Variants in HSPH1 observed in about 807,000 individuals in gnomAD.
The protein encoded by HSPH1 is heat shock protein family H (Hsp110) member 1, also known as heat shock protein 105 kDa.
Under a neutral mutation model 100.0 loss-of-function variants are expected in HSPH1, and 40 were observed. The observed-to-expected ratio is 0.40, with a 90% CI of 0.31 to 0.52. The LOEUF (loss-of-function observed/expected upper bound fraction) is 0.52, where lower values mean the gene tolerates loss of function less well. HSPH1 is among the 20% of genes least tolerant of loss of function. The pLI, the probability that HSPH1 is intolerant of heterozygous loss-of-function variation, is 0.54. For synonymous variants in HSPH1, 403 were observed against 344.0 expected (o/e 1.17, Z -1.90); for missense variants, 876 against 1,015.1 (o/e 0.86, Z 1.86).
chr13:31,160,665 A>G (rs1956864820), intron 1 of HSPH1, among the ~76,000 whole-genome samples: 1 of 152,210 alleles, frequency 6.6e-6, no homozygotes, highest in Non-Finnish European at 1.5e-5. Context: ...TTCAGTGACG[A>G]CATCCATCCT....
At chr13:31,140,116 A>G in intron 14 of HSPH1, 68 bp downstream of exon 14, 1 of 1,412,022 alleles carries the variant, frequency 7.1e-7, no homozygotes, top group Non-Finnish European at 9.6e-7. Flanking sequence ...TTAAGCCTCA[A>G]CTGTCAATTT....
chr13:31,161,561 C>T lies in HSPH1; in HGVS notation c.22G>A (p.Val8Met), dbSNP rs141726642. ...GCGATGTAGCAGCTCTGCGAGCCCA[C>T]GTCCAACCCCACCACCGACATGGCC... MSVVGLD[V>M]GSQSCYIAVA... Residue 8 changes from valine to methionine, a missense_variant, in exon 1 of 18, where the codon GTG becomes ATG. Physicochemically the swap from Val to Met is conservative, Grantham distance 21. Transcript: ENST00000320027. 7 of 1,613,728 alleles carry T rather than the reference C, an allele frequency of 4.3e-6. No homozygotes were observed. The East Asian group carries it at 6.7e-5, about 15-fold the overall frequency.
At position 31,137,545 on chromosome 13, in the gene HSPH1, T is replaced by C. The variant is rs1351164345; in HGVS notation, c.2371-21A>G. The C allele has an allele frequency of 2.5e-6, 4 of 1,577,310 alleles. No homozygotes were observed. In the East Asian group the frequency reaches 9.0e-5, roughly 35 times the overall value. ...AATTCCTAAAGAAAACAAAAACTAG[T>C]TATCAGATTAACTCAGATCCATCCA... On this transcript the variant is annotated intron_variant, in intron 17 of 17. Transcript: ENST00000320027.
chr13:31,162,295 A>C, upstream of HSPH1: 1 of 603,152 alleles, frequency 1.7e-6, no homozygotes, highest in Non-Finnish European at 2.9e-6. Flanking sequence ...GACAGACCCC[A>C]TTTTTGCAGA....
At chr13:31,162,183 A>T, upstream of HSPH1, 3 of 1,172,832 alleles carry the variant, frequency 2.6e-6, no homozygotes, top group Non-Finnish European at 3.6e-6. Context: ...TGCCCTAATA[A>T]AACAGGCAAC....
At chr13:31,152,600 A>G in intron 5 of HSPH1, 1 of 273,692 alleles carries the variant, frequency 3.7e-6, no homozygotes, top group South Asian at 5.3e-5. Context: ...AAGGAAACAA[A>G]GCTAAATCCA....
chr13:31,149,645 C>A (rs1402814146), intron 8 of HSPH1, among the ~76,000 whole-genome samples: 1 of 152,084 alleles, frequency 6.6e-6, no homozygotes, highest in Non-Finnish European at 1.5e-5. Flanking sequence ...TCCCTGTGTG[C>A]TTTTTAAGTA....
At chr13:31,141,791 T>TAC (rs1407930454) in intron 12 of HSPH1, among the ~76,000 whole-genome samples, 2 of 71,578 alleles carry the variant, frequency 2.8e-5, no homozygotes, top group Non-Finnish European at 3.0e-5. Context: ...ATATACTCCA[T>TAC]ACACATACAT....
In HSPH1 at chr13:31,154,769, A is replaced by G. The variant is rs776938928; in HGVS notation, c.307-14T>C. 13 of 1,607,130 alleles carry G rather than the reference A, an allele frequency of 8.1e-6. No individual in the cohort carries two copies. The Admixed American group carries it at 1.8e-4, about 23-fold the overall frequency. ...CATGTACATTACCTATATTGAAGGGAAAAAATGTTTTAAACATTGTAGTAC... is the reference window on the plus strand; with the variant it reads ...CATGTACATTACCTATATTGAAGGGGAAAAATGTTTTAAACATTGTAGTAC... On this transcript the variant is annotated splice_polypyrimidine_tract_variant and intron_variant, in intron 3 of 17. Coordinates refer to ENST00000320027, the MANE Select transcript of HSPH1 (RefSeq NM_006644.4).
chr13:31,136,403 T>A lies in HSPH1; in HGVS notation c.*915A>T, dbSNP rs1264695431. ...ATAACGAAGTGTTAACAATGTTTTC[T>A]TCTGGGTGGCAAGATTTTAAGTTTT... is the stretch of plus-strand genomic sequence containing the variant. On this transcript the variant is annotated 3_prime_UTR_variant, in exon 18 of 18. Transcript: ENST00000320027. The A allele has an allele frequency of 1.3e-5, 2 of 152,228 alleles. No individual in the cohort carries two copies. Among genetic ancestry groups the A allele is most frequent in the Non-Finnish European group, 2.9e-5 (2 of 68,044 alleles). The allele number at this position is 152,228 out of a possible 1,614,324, so 9.4% of individuals were successfully genotyped here.
At chr13:31,161,327 G>A (rs1159365897) in intron 1 of HSPH1, 149 bp downstream of exon 1, 16 of 1,388,534 alleles carry the variant, frequency 1.2e-5, no homozygotes, top group East Asian at 2.5e-5. Flanking sequence ...CTCTGGCCGG[G>A]TCGCTGGTCC....
In HSPH1 at chr13:31,148,020, A is replaced by G; in HGVS notation, c.1317T>C (p.Pro439=). The G allele has an allele frequency of 6.2e-7, 1 of 1,610,464 alleles. No homozygotes were observed. The highest frequency in any genetic ancestry group is 8.5e-7 in the Non-Finnish European group (1 of 1,178,646). Residue 439 remains proline (P), a synonymous_variant, in exon 10 of 18, where the codon CCT becomes CCC. Transcript: ENST00000320027. ...SKVLTFLRRG[P]FELEAFYSDP... is the part of the protein sequence containing the mutation. ...CAGAATAGAAAGCTTCTAGCTCAAA[A>G]GGCCCCCTTCTCAGAAAGGTGAGAA...
Position 31,161,079 on chromosome 13 carries a change from G to A in HSPH1, c.107+397C>T, listed in dbSNP as rs1483674478. On this transcript the variant is annotated intron_variant, in intron 1 of 17. Transcript: ENST00000320027. ...CTGGAGGCGGCTCAGCCAGCTCAGA[G>A]AGGCCGGGTGGGGATACGGGGGCGG... 2.6e-5 allele frequency among the ~76,000 whole-genome samples: 4 copies of A among 152,362 alleles called. No individual in the cohort carries two copies. In the East Asian group the frequency reaches 7.7e-4, roughly 29 times the overall value.
chr13:31,161,882 C>A lies in HSPH1; in HGVS notation c.-300G>T. 1 of 1,487,638 alleles carries A rather than the reference C, an allele frequency of 6.7e-7. No homozygotes were observed. The highest frequency in any genetic ancestry group is 8.9e-7 in the Non-Finnish European group (1 of 1,120,216). The allele number at this position is 1,487,638 out of a possible 1,614,324, so 92.2% of individuals were successfully genotyped here. On this transcript the variant is annotated 5_prime_UTR_variant, in exon 1 of 18. Transcript: ENST00000320027. ...CACTCTGCCGCGGCTCGCACACCGG[C>A]GCCGGCGCTGAACTACCGACCCAAA...
intron 17 of HSPH1, 152 bp downstream of exon 17, chr13:31,138,255 A>G: frequency 1.4e-6 from 1 of 715,920 alleles, no homozygotes; most frequent in South Asian, 1.8e-5. Context: ...GGTCTTCTGT[A>G]TTTTGTGACA....
At position 31,161,620 on chromosome 13, in the gene HSPH1, C is replaced by G. The variant is rs758217192; in HGVS notation, c.-38G>C. On this transcript the variant is annotated 5_prime_UTR_variant, in exon 1 of 18. Transcript: ENST00000320027. ...GTCCGCCTCCGCCTCGGGTCTCGGT[C>G]TGCGTCCTCCGGCCCCCTGCCTGCT... The G allele has an allele frequency of 3.0e-5, 48 of 1,607,634 alleles. No homozygotes were observed. Among genetic ancestry groups the G allele is most frequent in the Middle Eastern group, 1.7e-4 (1 of 6,054 alleles).
rs150234276 is a variant in HSPH1 at position 31,150,134 on chromosome 13, T to C, written c.957A>G (p.Val319=). 916 of 1,609,788 alleles carry C rather than the reference T, an allele frequency of 5.7e-4. 3 individuals carry two copies. In the African/African-American group the frequency reaches 6.3e-3, roughly 11 times the overall value. The change falls in exon 8 of 18, where the codon GTA becomes GTG. Residue 319 remains valine (V), a synonymous_variant. Coordinates refer to ENST00000320027, the MANE Select transcript of HSPH1 (RefSeq NM_006644.4). ...LCAELLQKIE[V]PLYSLLEQTH... ...TTTGTTCCAACAGTGAATAAAGGGG[T>C]ACTTCTATCTTTTGCAGAAGTTCAG... is the stretch of plus-strand genomic sequence containing the variant.
chr13:31,139,306 C>A, intron 14 of HSPH1, 199 bp from the exon 15 acceptor site: 1 of 535,004 alleles, frequency 1.9e-6, no homozygotes, highest in Non-Finnish European at 3.3e-6. Flanking sequence ...CCAATCTGTA[C>A]AATGAAATGT....
chr13:31,137,664 G>C (rs1955932009), intron 17 of HSPH1, 140 bp from the exon 18 acceptor site: 4 of 652,008 alleles, frequency 6.1e-6, no homozygotes, highest in African/African-American at 1.8e-5. Context: ...CATTACACTT[G>C]CCCCAAACCA....
Sources: allele counts gnomAD v4.1 joint callset (sites outside exome capture counted in the v4.1 genomes callset), GRCh38; gene constraint gnomAD v4.1.1; transcripts MANE v1.5; gene names NCBI Gene and HGNC (gene_info 2026-07-23, HGNC 2026-07-21).